The following ITGAE variants were observed in gnomAD, a reference collection of about 807,000 sequenced individuals.
ITGAE encodes the protein integrin alpha-E.
ITGAE carries 99 observed loss-of-function variants against 136.5 expected under a neutral mutation model. The ratio of observed to expected loss-of-function variants is 0.73; its 90% CI spans 0.62 to 0.86. The LOEUF (loss-of-function observed/expected upper bound fraction) is 0.86, where lower values mean the gene tolerates loss of function less well. Among genes scored for constraint, ITGAE ranks in the 40% least tolerant of loss-of-function variants. The probability of loss-of-function intolerance (pLI) is 0.00; values close to 1 mark genes in which losing one functional copy is unlikely to be tolerated. For synonymous variants in ITGAE, 613 were observed against 591.8 expected (o/e 1.04, Z -0.52); for missense variants, 1,447 against 1,515.3 (o/e 0.95, Z 0.75).
intron 16 of ITGAE, 42 bp downstream of exon 16, chr17:3,750,310 G>A (rs1239842205): frequency 1.1e-5 from 17 of 1,609,686 alleles, no homozygotes; most frequent in Non-Finnish European, 1.1e-5. Context: ...GCAAATGGGT[G>A]AGGCTGGGCC....
chr17:3,775,879 C>T (rs1438330411), intron 2 of ITGAE, among the ~76,000 whole-genome samples: 1 of 152,074 alleles, frequency 6.6e-6, no homozygotes, highest in Admixed American at 6.6e-5. Context: ...CAAAATTGCT[C>T]TCCAAGGTGG....
chr17:3,795,616 CAG>C (rs1244458660), intron 1 of ITGAE, among the ~76,000 whole-genome samples: 1 of 152,224 alleles, frequency 6.6e-6, no homozygotes, highest in Non-Finnish European at 1.5e-5. Context: ...GGTTGGTAAA[CAG>C]AGAGAGGCCA....
At chr17:3,792,676 G>C (rs945948346) in intron 1 of ITGAE, among the ~76,000 whole-genome samples, 13 of 152,178 alleles carry the variant, frequency 8.5e-5, no homozygotes, top group Admixed American at 8.5e-4. Flanking sequence ...TGAACACAGC[G>C]CTGGCTCACA....
chr17:3,792,412 C>T (rs368757360), intron 1 of ITGAE, among the ~76,000 whole-genome samples: 5 of 152,236 alleles, frequency 3.3e-5, no homozygotes, highest in Non-Finnish European at 5.9e-5. Context: ...CCACCGCGCC[C>T]GGCCTGATAT....
At chr17:3,790,780 A>C (rs1356316384) in intron 1 of ITGAE, among the ~76,000 whole-genome samples, 1 of 152,086 alleles carries the variant, frequency 6.6e-6, no homozygotes, top group Admixed American at 6.6e-5. Context: ...ATGGGGGTGC[A>C]CTCCAGACGG....
chr17:3,749,494 C>T (rs1317250657), intron 16 of ITGAE, among the ~76,000 whole-genome samples: 9 of 152,028 alleles, frequency 5.9e-5, no homozygotes, highest in Non-Finnish European at 1.3e-4. Context: ...CCTTGTGATC[C>T]ACCCGCCTGG....
intron 15 of ITGAE, 122 bp from the exon 16 acceptor site, chr17:3,750,604 C>G: frequency 8.4e-7 from 1 of 1,189,544 alleles, no homozygotes; most frequent in South Asian, 1.5e-5. Flanking sequence ...AGCCCCGAGT[C>G]TAGAACCAGG....
intron 20 of ITGAE, 93 bp downstream of exon 20, chr17:3,739,712 A>C (rs1439348368): frequency 2.0e-6 from 2 of 1,023,052 alleles, no homozygotes; most frequent in Admixed American, 1.7e-5. Flanking sequence ...GGAGAGGGGA[A>C]GGGGATGTGC....
intron 20 of ITGAE, among the ~76,000 whole-genome samples, chr17:3,737,691 G>A (rs995222231): frequency 6.6e-6 from 1 of 152,156 alleles, no homozygotes; most frequent in African/African-American, 2.4e-5. Context: ...GTCTCAGAGG[G>A]CCCGGAATGC....
At chr17:3,775,666 G>A (rs928102992) in intron 2 of ITGAE, among the ~76,000 whole-genome samples, 15 of 150,400 alleles carry the variant, frequency 1.0e-4, no homozygotes, top group South Asian at 2.1e-4. Flanking sequence ...ACGGGGTTTC[G>A]CCAGGTTGGC....
chr17:3,730,488 AAG>A (rs2051317821), intron 23 of ITGAE: 1 of 151,656 alleles, frequency 6.6e-6, no homozygotes, highest in East Asian at 1.9e-4. Context: ...TTTCAGAGAT[AAG>A]CAATTGGAGT....
chr17:3,751,705 C>A lies in ITGAE; in HGVS notation c.1838G>T (p.Gly613Val). Residue 613 changes from glycine to valine, a missense_variant, in exon 15 of 31, where the codon GGC (glycine) becomes GTC (valine). By Grantham distance (109) the Gly-to-Val change is moderately radical (BLOSUM62 -3). Transcript: ENST00000263087. ...GFGADDGASFGSVYIYNGHWD... is the reference protein window; with the variant it reads ...GFGADDGASFVSVYIYNGHWD... ...GTGTCCATTGTAGATATACACACTG[C>A]CGAAGCTGGCACCATCATCTGCCCC... 6.2e-7 allele frequency: 1 copy of A among 1,614,018 alleles called. No homozygotes were observed. Among genetic ancestry groups the A allele is most frequent in the Non-Finnish European group, 8.5e-7 (1 of 1,179,956 alleles).
At chr17:3,782,029 A>G (rs1414242179) in intron 1 of ITGAE, among the ~76,000 whole-genome samples, 1 of 151,862 alleles carries the variant, frequency 6.6e-6, no homozygotes, top group Non-Finnish European at 1.5e-5. Context: ...TAATCCCAAC[A>G]TTTTGGGAGG....
intron 29 of ITGAE, among the ~76,000 whole-genome samples, chr17:3,718,741 T>C (rs1019687743): frequency 1.3e-5 from 2 of 152,182 alleles, no homozygotes; most frequent in South Asian, 4.1e-4. Flanking sequence ...AGAAACTTAA[T>C]AGTAACTCCT....
intron 2 of ITGAE, among the ~76,000 whole-genome samples, chr17:3,771,385 TGG>T (rs2052417450): frequency 6.6e-6 from 1 of 152,262 alleles, no homozygotes; most frequent in South Asian, 2.1e-4. Context: ...GGGTTACTCT[TGG>T]CAGCAGATGT....
intron 26 of ITGAE, chr17:3,724,017 G>T: frequency 6.3e-7 from 1 of 1,591,778 alleles, no homozygotes; most frequent in Non-Finnish European, 8.5e-7. Context: ...GCGGCGGCCG[G>T]GCCGGGAAGC....
intron 23 of ITGAE, 87 bp from the exon 24 acceptor site, chr17:3,729,642 A>G: frequency 1.1e-6 from 1 of 894,766 alleles, no homozygotes; most frequent in Admixed American, 1.7e-5. Context: ...TTGCCCAGGC[A>G]GGAGTGCAGT....
At chr17:3,791,639 T>C (rs988274786) in intron 1 of ITGAE, among the ~76,000 whole-genome samples, 1 of 152,112 alleles carries the variant, frequency 6.6e-6, no homozygotes, top group Non-Finnish European at 1.5e-5. Flanking sequence ...AATGACACGA[T>C]GTTTGGGGTT....
In ITGAE at chr17:3,763,937, G is replaced by A; in HGVS notation, c.179C>T (p.Thr60Ile). 1 of 1,613,364 alleles carries A rather than the reference G, an allele frequency of 6.2e-7. No individual in the cohort carries two copies. The highest frequency in any genetic ancestry group is 2.2e-5 in the East Asian group (1 of 44,854). Reference protein sequence around the residue: ...QTWLLVTSPRTKRTPGPLHRC... With the variant: ...QTWLLVTSPRIKRTPGPLHRC... ...ATGGAGGGGCCCTGGTGTCCTCTTG[G>A]TTCTGGGGCTGGTGACCAGGAGCCT... Residue 60 changes from threonine to isoleucine, a missense_variant, in exon 3 of 31, where the codon ACC becomes ATC. Coordinates refer to ENST00000263087, the MANE Select transcript of ITGAE (RefSeq NM_002208.5).
Sources: allele counts gnomAD v4.1 joint callset (sites outside exome capture counted in the v4.1 genomes callset), GRCh38; gene constraint gnomAD v4.1.1; transcripts MANE v1.5; gene names NCBI Gene and HGNC (gene_info 2026-07-23, HGNC 2026-07-21).